The following NUP210 variants were observed in gnomAD, a reference collection of about 807,000 sequenced individuals.
NUP210 encodes the protein nuclear pore membrane glycoprotein 210.
NUP210 carries 151 observed loss-of-function variants against 196.0 expected under a neutral mutation model. The ratio of observed to expected loss-of-function variants is 0.77; its 90% CI spans 0.67 to 0.88. The LOEUF (loss-of-function observed/expected upper bound fraction) is 0.88. Among genes scored for constraint, NUP210 ranks in the 40% least tolerant of loss-of-function variants. The pLI is 0.00. For missense variants in NUP210, 2,314 were observed against 2,493.7 expected, an observed-to-expected ratio of 0.93 and a Z score of 1.53; for synonymous variants, 1,070 against 1,052.7, an observed-to-expected ratio of 1.02 and a Z score of -0.32.
At position 13,383,002 on chromosome 3, in the gene NUP210, A is replaced by G. The variant is rs1375614810; in HGVS notation, c.817+3273T>C. On this transcript the variant is annotated intron_variant, in intron 6 of 39. Transcript: ENST00000254508. ...CTCTATTAAAAAAAAAAAATTAGCC[A>G]GGCATGTGGTGTGTGCCTGTGGTCC... Among the ~76,000 whole-genome samples the G allele has an allele frequency of 2.0e-5, 3 of 152,102 alleles. No homozygotes were observed. The East Asian group carries it at 5.8e-4, about 29-fold the overall frequency.
At chr3:13,407,962 T>C (rs528166483) in intron 1 of NUP210, among the ~76,000 whole-genome samples, 1 of 152,242 alleles carries the variant, frequency 6.6e-6, no homozygotes, top group East Asian at 1.9e-4. Flanking sequence ...GATGGGATCT[T>C]AGTAATGGCT....
chr3:13,348,841 T>G lies in NUP210; in HGVS notation c.2835+3038A>C. The G allele has an allele frequency of 3.0e-6, 3 of 985,280 alleles. No individual in the cohort carries two copies. The highest frequency in any genetic ancestry group is 2.3e-4 in the East Asian group (2 of 8,804). The allele number at this position is 985,280 out of a possible 1,614,324, so 61.0% of individuals were successfully genotyped here. A position where few individuals can be genotyped will look rare whatever the true frequency, so the allele number is the denominator to read the frequency against. On this transcript the variant is annotated intron_variant, in intron 20 of 39. Coordinates refer to ENST00000254508, the MANE Select transcript of NUP210 (RefSeq NM_024923.4). This position sits in a 1 kb window ranked among gnomAD's most constrained non-coding sequence, Gnocchi z 4.0. ...TTTGCAAGACAGCTGGAGACCAACA[T>G]CAAACGCTGAAGGAAGGTTTTCGAA...
chr3:13,362,086 T>C lies in NUP210; in HGVS notation c.1933-1595A>G, dbSNP rs1471931260. Among the ~76,000 whole-genome samples the C allele has an allele frequency of 2.0e-5, 3 of 151,998 alleles. No individual in the cohort carries two copies. In the East Asian group the frequency reaches 5.8e-4, roughly 29 times the overall value. On this transcript the variant is annotated intron_variant, in intron 14 of 39. Coordinates refer to ENST00000254508, the MANE Select transcript of NUP210 (RefSeq NM_024923.4). The stretch of plus-strand genomic sequence containing the variant: ...TGAAGGAGCTTCATGGCCTGAGAGG[T>C]CTCCCTGATCATGCTATAGGCTTGT...
At chr3:13,401,400 C>T (rs73132587) in intron 1 of NUP210, among the ~76,000 whole-genome samples, 33,687 of 152,108 alleles carry the variant, frequency 0.22, 5,902 homozygotes, top group African/African-American at 0.49. Context: ...CCGACCACTC[C>T]GACACCACCT....
intron 13 of NUP210, among the ~76,000 whole-genome samples, chr3:13,368,950 T>G (rs998509031): frequency 6.6e-6 from 1 of 152,260 alleles, no homozygotes; most frequent in African/African-American, 2.4e-5. Flanking sequence ...TGCACCCAGA[T>G]GCAGGATTGC....
chr3:13,355,171 T>G (rs957558691), intron 16 of NUP210, among the ~76,000 whole-genome samples: 3 of 152,108 alleles, frequency 2.0e-5, no homozygotes, highest in Non-Finnish European at 2.9e-5. Flanking sequence ...CTTCCTACAT[T>G]CGGGTAGGAA....
chr3:13,327,448 G>C lies in NUP210; in HGVS notation c.4287-11C>G, dbSNP rs759008273. The C allele has an allele frequency of 1.3e-6, 2 of 1,584,230 alleles. No individual in the cohort carries two copies. The highest frequency in any genetic ancestry group is 1.7e-5 in the Admixed American group (1 of 58,644). On this transcript the variant is annotated splice_polypyrimidine_tract_variant and intron_variant, in intron 31 of 39. Coordinates refer to ENST00000254508, the MANE Select transcript of NUP210 (RefSeq NM_024923.4). The stretch of plus-strand genomic sequence containing the variant: ...TGCACAAAGTCGTCTCTAGGCACAG[G>C]AGAGAAAGGAGGGCTCTCAGTCTCG...
chr3:13,392,502 TTCCTAACA>T (rs1362773035), intron 3 of NUP210, among the ~76,000 whole-genome samples: 9 of 152,370 alleles, frequency 5.9e-5, no homozygotes, highest in Non-Finnish European at 8.8e-5. Context: ...TTAATCTGTC[TTCCTAACA>T]TCCAGGGCAT....
rs200375970 is a variant in NUP210, at chr3:13,375,466, C to A, written c.1431+38G>T. The A allele has an allele frequency of 3.8e-6, 6 of 1,586,330 alleles. No individual in the cohort carries two copies. The East Asian group carries it at 9.1e-5, about 24-fold the overall frequency. On this transcript the variant is annotated intron_variant, in intron 11 of 39. Coordinates refer to ENST00000254508, the MANE Select transcript of NUP210 (RefSeq NM_024923.4). ...AAAAAGCCACAATCCCATGAAAACA[C>A]CAAAGGAATGCACGCAGAGGTGAGG... is the stretch of plus-strand genomic sequence containing the variant.
chr3:13,372,050 G>T lies in NUP210; in HGVS notation c.1588-18C>A. 7 of 1,545,084 alleles carry T rather than the reference G, an allele frequency of 4.5e-6. No individual in the cohort carries two copies. The highest frequency in any genetic ancestry group is 6.1e-6 in the Non-Finnish European group (7 of 1,141,562). On this transcript the variant is annotated intron_variant, in intron 12 of 39. Coordinates refer to ENST00000254508, the MANE Select transcript of NUP210 (RefSeq NM_024923.4). Reference sequence around the variant, plus strand: ...ACATACACCTGGAAGACAGGGGCATGGCCTGGGCTCAGCTGCCTCCACAGG... The same window carrying T: ...ACATACACCTGGAAGACAGGGGCATTGCCTGGGCTCAGCTGCCTCCACAGG...
At chr3:13,397,682 C>T (rs113905782) in intron 2 of NUP210, among the ~76,000 whole-genome samples, 194 bp from the exon 3 acceptor site, 10 of 152,314 alleles carry the variant, frequency 6.6e-5, no homozygotes, top group African/African-American at 2.4e-4. Flanking sequence ...GCTGTGGGGG[C>T]CTTGTCACCA....
intron 11 of NUP210, among the ~76,000 whole-genome samples, chr3:13,375,181 G>T (rs1292023319): frequency 1.4e-5 from 2 of 146,336 alleles, no homozygotes; most frequent in Admixed American, 6.9e-5. Flanking sequence ...AGAGATGGAG[G>T]TCTCCCTATG....
chr3:13,353,072 T>C (rs1698037044), intron 18 of NUP210, among the ~76,000 whole-genome samples: 1 of 151,832 alleles, frequency 6.6e-6, no homozygotes, highest in Admixed American at 6.6e-5. Context: ...CCATCAGGTA[T>C]AGGCACAGGT....
intron 25 of NUP210, 82 bp downstream of exon 25, chr3:13,339,772 T>C: frequency 7.9e-7 from 1 of 1,267,482 alleles, no homozygotes; most frequent in Non-Finnish European, 1.1e-6. Flanking sequence ...AGAGGGGTGG[T>C]CCTCAGAGGT....
chr3:13,341,978 A>ATT lies in NUP210; in HGVS notation c.3092+17_3092+18insAA. On this transcript the variant is annotated intron_variant, in intron 22 of 39. Coordinates refer to ENST00000254508, the MANE Select transcript of NUP210 (RefSeq NM_024923.4). Reference sequence around the variant, plus strand: ...ACTGTCTCTGAGGTGCCCTCCTCTGACCCCTAGGAGAACTCACACCAATGT... The same window carrying ATT: ...ACTGTCTCTGAGGTGCCCTCCTCTGATTCCCCTAGGAGAACTCACACCAATGT... The ATT allele has an allele frequency of 2.5e-6, 4 of 1,613,920 alleles. No individual in the cohort carries two copies. The highest frequency in any genetic ancestry group is 3.4e-6 in the Non-Finnish European group (4 of 1,179,908).
intron 6 of NUP210, among the ~76,000 whole-genome samples, chr3:13,381,406 T>TTTTTTC (rs1699093361): frequency 9.1e-6 from 1 of 110,230 alleles, no homozygotes. Context: ...TTTTTCTTTC[T>TTTTTTC]TTTCTTTTCT....
chr3:13,402,279 C>A (rs999131992), intron 1 of NUP210, among the ~76,000 whole-genome samples: 2 of 152,088 alleles, frequency 1.3e-5, no homozygotes, highest in Non-Finnish European at 2.9e-5. Context: ...GAGAATTCAT[C>A]ATTTCCCACT....
rs776096658 is a variant in NUP210, at chr3:13,322,201, G to C, written c.4907C>G (p.Thr1636Ser). 6.2e-7 allele frequency: 1 copy of C among 1,614,130 alleles called. No individual in the cohort carries two copies. Among genetic ancestry groups the C allele is most frequent in the Non-Finnish European group, 8.5e-7 (1 of 1,180,036 alleles). ...CAAATCCTCGCAATTACCGAGAGCAGTGTCAAACTGTGGCTCCACGGTGAA... is the reference window on the plus strand; with the variant it reads ...CAAATCCTCGCAATTACCGAGAGCACTGTCAAACTGTGGCTCCACGGTGAA... ...DVFTVEPQFD[T>S]ALGQYFCSIT... The change falls in exon 35 of 40, where the codon ACT becomes AGT. Residue 1636 changes from threonine (T) to serine (S), a missense_variant. By Grantham distance (58) the Thr-to-Ser change is moderately conservative. Transcript: ENST00000254508.
intron 1 of NUP210, among the ~76,000 whole-genome samples, chr3:13,418,564 C>T (rs973231224): frequency 6.6e-6 from 1 of 151,840 alleles, no homozygotes; most frequent in African/African-American, 2.4e-5. Context: ...CCAGCCTGGC[C>T]AACACAGTGA....
Sources: allele counts gnomAD v4.1 joint callset (sites outside exome capture counted in the v4.1 genomes callset), GRCh38; gene constraint gnomAD v4.1.1; non-coding constraint Gnocchi (gnomAD v3.1); transcripts MANE v1.5; gene names NCBI Gene and HGNC (gene_info 2026-07-23, HGNC 2026-07-21).